The following MACROD2 variants were observed in gnomAD, a reference collection of about 807,000 sequenced individuals.
MACROD2 encodes the protein mono-ADP ribosylhydrolase 2.
Under a neutral mutation model 70.4 loss-of-function variants are expected in MACROD2, and 36 were observed. The ratio of observed to expected loss-of-function variants is 0.51; its 90% CI spans 0.39 to 0.68. The LOEUF is 0.68. Among genes scored for constraint, MACROD2 ranks in the 30% least tolerant of loss-of-function variants. The probability of loss-of-function intolerance (pLI) is 0.00; values close to 1 mark genes in which losing one functional copy is unlikely to be tolerated. For missense variants in MACROD2, 496 were observed against 538.4 expected (o/e 0.92, Z 0.78); for synonymous variants, 172 against 178.8 (o/e 0.96, Z 0.30).
chr20:14,443,181 C>G (rs1474492612), intron 3 of MACROD2, among the ~76,000 whole-genome samples: 2 of 151,844 alleles, frequency 1.3e-5, no homozygotes, highest in Non-Finnish European at 2.9e-5. Context: ...ATTTAAAGCT[C>G]TTTCTTCCTA....
chr20:15,949,171 G>A, intron 12 of MACROD2, among the ~76,000 whole-genome samples: 1 of 152,090 alleles, frequency 6.6e-6, no homozygotes, highest in East Asian at 1.9e-4. Flanking sequence ...TGTAAAAAAT[G>A]GAATTGTAAT....
intron 5 of MACROD2, among the ~76,000 whole-genome samples, chr20:15,093,761 T>C (rs1308301517): frequency 2.4e-4 from 37 of 152,190 alleles, no homozygotes; most frequent in Admixed American, 2.4e-3. Context: ...TATTTCTGCA[T>C]CTTATTTGCC....
chr20:15,663,551 T>A (rs557144945), intron 8 of MACROD2, among the ~76,000 whole-genome samples: 17 of 152,086 alleles, frequency 1.1e-4, no homozygotes, highest in Admixed American at 2.6e-4. Context: ...TTGAATTTTT[T>A]ATGTGAAAAT....
intron 13 of MACROD2, among the ~76,000 whole-genome samples, chr20:15,979,670 C>CA (rs934076325): frequency 1.3e-5 from 2 of 152,056 alleles, no homozygotes; most frequent in Non-Finnish European, 2.9e-5. Context: ...TAGCCCGAGG[C>CA]AAAATGGCCA....
chr20:14,535,332 C>T (rs2085350525), intron 4 of MACROD2, among the ~76,000 whole-genome samples: 1 of 151,774 alleles, frequency 6.6e-6, no homozygotes, highest in Non-Finnish European at 1.5e-5. Flanking sequence ...GGTGAAACCC[C>T]ATCTCTACTA....
chr20:15,135,502 C>T (rs2076139862), intron 5 of MACROD2, among the ~76,000 whole-genome samples: 1 of 141,670 alleles, frequency 7.1e-6, no homozygotes. Context: ...AGGCCTTTGA[C>T]AAAATTCAAC....
intron 5 of MACROD2, among the ~76,000 whole-genome samples, chr20:14,959,520 C>G (rs751754577): frequency 5.9e-5 from 9 of 152,046 alleles, no homozygotes; most frequent in Non-Finnish European, 1.0e-4. Flanking sequence ...TTCCCTCCCT[C>G]CCCAAATACA....
intron 7 of MACROD2, among the ~76,000 whole-genome samples, chr20:15,449,006 C>A (rs574194480): frequency 1.7e-4 from 26 of 152,190 alleles, no homozygotes; most frequent in African/African-American, 5.5e-4. Flanking sequence ...TCACTGAGAT[C>A]ATTTATGCAT....
intron 5 of MACROD2, among the ~76,000 whole-genome samples, chr20:14,714,117 G>A (rs2071369642): frequency 6.6e-6 from 1 of 152,170 alleles, no homozygotes; most frequent in African/African-American, 2.4e-5. Context: ...TTGGGCTCAG[G>A]TTTTCAATCC....
chr20:15,487,179 C>T (rs1484381294), intron 7 of MACROD2, among the ~76,000 whole-genome samples: 1 of 152,162 alleles, frequency 6.6e-6, no homozygotes, highest in Non-Finnish European at 1.5e-5. Context: ...ATGTTCCACC[C>T]AGGGTGGCAG....
rs2083281914 is a variant in MACROD2 at position 14,367,335 on chromosome 20, T to C, written c.272-126144T>C. On this transcript the variant is annotated intron_variant, in intron 3 of 17. Transcript: ENST00000684519. ...CAAACAAAAATACAATAATACTGGC[T>C]TTTATTTATCATGCAGTTACTTTTA... Among the ~76,000 whole-genome samples, 5 of 152,308 alleles carry C rather than the reference T, an allele frequency of 3.3e-5. No homozygotes were observed. In the South Asian group the frequency reaches 1.0e-3, roughly 32 times the overall value.
chr20:15,984,753 T>A (rs945739592), intron 13 of MACROD2, among the ~76,000 whole-genome samples: 2 of 152,130 alleles, frequency 1.3e-5, no homozygotes, highest in African/African-American at 2.4e-5. Context: ...TTAGCAAACT[T>A]CACTTTTGTT....
At chr20:15,585,993 G>A (rs1291099891) in intron 8 of MACROD2, among the ~76,000 whole-genome samples, 1 of 152,032 alleles carries the variant, frequency 6.6e-6, no homozygotes, top group Admixed American at 6.6e-5. Flanking sequence ...TTTCTGATTG[G>A]GGAAGGACAA....
chr20:15,939,305 G>T (rs1326397942), intron 12 of MACROD2, among the ~76,000 whole-genome samples: 1 of 152,150 alleles, frequency 6.6e-6, no homozygotes, highest in Non-Finnish European at 1.5e-5. Context: ...CAAAGGACAG[G>T]CTGGCTCTCT....
intron 5 of MACROD2, among the ~76,000 whole-genome samples, chr20:15,196,159 A>G (rs903355336): frequency 3.9e-5 from 6 of 152,084 alleles, no homozygotes; most frequent in African/African-American, 1.2e-4. Flanking sequence ...AGGTGATTGG[A>G]TGATCTGTGC....
At chr20:14,161,811 G>A (rs192592128) in intron 3 of MACROD2, among the ~76,000 whole-genome samples, 2 of 151,886 alleles carry the variant, frequency 1.3e-5, no homozygotes, top group African/African-American at 4.8e-5. Flanking sequence ...AGCCAGGATA[G>A]TCTCGATCTC....
chr20:14,642,438 G>A (rs1485661615), intron 4 of MACROD2, among the ~76,000 whole-genome samples: 1 of 152,098 alleles, frequency 6.6e-6, no homozygotes, highest in African/African-American at 2.4e-5. Flanking sequence ...CACATCATGG[G>A]TAACTATTTG....
chr20:14,342,657 G>A (rs1406226994), intron 3 of MACROD2, among the ~76,000 whole-genome samples: 1 of 152,166 alleles, frequency 6.6e-6, no homozygotes, highest in Non-Finnish European at 1.5e-5. Context: ...GCAGGTCACG[G>A]ATGCCTTAGA....
chr20:16,009,156 C>T (rs1487210549), intron 15 of MACROD2, among the ~76,000 whole-genome samples: 2 of 151,914 alleles, frequency 1.3e-5, no homozygotes, highest in African/African-American at 2.4e-5. Context: ...CAAAAATGAA[C>T]CTGCTAACTT....
Sources: gnomAD v4.1 joint callset for allele counts (sites outside exome capture counted in the v4.1 genomes callset) on GRCh38, gnomAD v4.1.1 for gene constraint, MANE v1.5 for transcripts, NCBI Gene and HGNC (gene_info 2026-07-23, HGNC 2026-07-21) for gene names.